The following PARL variants were observed in gnomAD, a reference collection of about 807,000 sequenced individuals.
PARL encodes the protein presenilin associated rhomboid like, also known as presenilin-associated rhomboid-like protein, mitochondrial.
PARL carries 44 observed loss-of-function variants against 51.6 expected under a neutral mutation model. That is an observed-to-expected ratio of 0.85 (90% CI 0.67 to 1.10). PARL has a LOEUF of 1.10. PARL is among the 50% of genes least tolerant of loss of function. The pLI, the probability that PARL is intolerant of heterozygous loss-of-function variation, is 0.00. For synonymous variants in PARL, 172 were observed against 164.0 expected (o/e 1.05, Z -0.37); for missense variants, 441 against 469.5 (o/e 0.94, Z 0.56).
chr3:183,833,398 T>A, intron 9 of PARL, 94 bp downstream of exon 9: 1 of 802,750 alleles, frequency 1.2e-6, no homozygotes, highest in Non-Finnish European at 2.2e-6. Context: ...GTTCAATGTC[T>A]CTGCCATGGG....
Position 183,848,361 on chromosome 3 carries a change from C to T in PARL, c.512-4035G>A, listed in dbSNP as rs1423264925. On this transcript the variant is annotated intron_variant, in intron 4 of 9. Transcript: ENST00000317096. The stretch of plus-strand genomic sequence containing the variant: ...GGTTCACACCATTCTCCTGCCTCAG[C>T]CTCCCGAGTAGCTGGGACTACAGGC... Among the ~76,000 whole-genome samples the T allele has an allele frequency of 3.3e-5, 5 of 152,298 alleles. No homozygotes were observed. In the East Asian group the frequency reaches 7.7e-4, roughly 24 times the overall value.
At chr3:183,847,963 G>A (rs1319470034) in intron 4 of PARL, among the ~76,000 whole-genome samples, 1 of 152,152 alleles carries the variant, frequency 6.6e-6, no homozygotes, top group African/African-American at 2.4e-5. Flanking sequence ...GTAACTCTTG[G>A]ACAAGCTTGG....
intron 1 of PARL, among the ~76,000 whole-genome samples, chr3:183,878,194 G>A (rs929035879): frequency 2.6e-5 from 4 of 152,088 alleles, no homozygotes; most frequent in African/African-American, 4.8e-5. Context: ...CTCTTTCACC[G>A]CCCAGTCCTT....
intron 1 of PARL, among the ~76,000 whole-genome samples, chr3:183,877,465 C>T (rs1733978547): frequency 6.6e-6 from 1 of 152,170 alleles, no homozygotes; most frequent in African/African-American, 2.4e-5. Flanking sequence ...AGGATTTACT[C>T]CTACTCTGAA....
chr3:183,828,041 G>A (rs554662996), downstream of PARL, among the ~76,000 whole-genome samples: 101 of 152,360 alleles, frequency 6.6e-4, 3 homozygotes, highest in Middle Eastern at 0.014. Context: ...AAGCCAAGAG[G>A]AGAAAGTGAA....
rs998139733 is a variant in PARL, at chr3:183,829,487, C to T, written c.*111G>A. The T allele has an allele frequency of 1.6e-5, 25 of 1,610,290 alleles. No homozygotes were observed. The highest frequency in any genetic ancestry group is 3.3e-5 in the Admixed American group (2 of 59,978). On this transcript the variant is annotated 3_prime_UTR_variant, in exon 10 of 10. Transcript: ENST00000317096. ...GACACAGCTGAAAACAGTGGGAGGC[C>T]AGATGCTGGCATCTTCCAGACGGGA...
At chr3:183,876,625 AAAAAAAAAAAAAAG>A (rs1200962470) in intron 1 of PARL, among the ~76,000 whole-genome samples, 2 of 121,622 alleles carry the variant, frequency 1.6e-5, no homozygotes, top group African/African-American at 6.6e-5. Flanking sequence ...AAAAAAAAAA[AAAAAAAAAAAAAAG>A]AAAAAGAAAA....
intron 7 of PARL, among the ~76,000 whole-genome samples, chr3:183,838,211 G>A (rs977319770): frequency 3.7e-4 from 56 of 152,024 alleles, no homozygotes; most frequent in Admixed American, 2.0e-3. Context: ...ATTTTTTGTA[G>A]AGATGGGGTC....
chr3:183,827,888 A>C (rs1316319171), downstream of PARL, among the ~76,000 whole-genome samples: 1 of 152,178 alleles, frequency 6.6e-6, no homozygotes, highest in Non-Finnish European at 1.5e-5. Flanking sequence ...CCACTCAAGA[A>C]GTGTATGGAA....
At chr3:183,884,245 C>T (rs1734862752) in intron 1 of PARL, among the ~76,000 whole-genome samples, 1 of 152,216 alleles carries the variant, frequency 6.6e-6, no homozygotes, top group Admixed American at 6.5e-5. Context: ...AAAGCCTCTC[C>T]TACGACTTTG....
chr3:183,862,392 C>T (rs1241756323), intron 4 of PARL, among the ~76,000 whole-genome samples: 1 of 152,188 alleles, frequency 6.6e-6, no homozygotes, highest in Admixed American at 6.5e-5. Flanking sequence ...CTGTAAGCAA[C>T]TCCAAGTAGG....
At position 183,882,225 on chromosome 3, in the gene PARL, ATATATATATATATATATATTTAT is replaced by A. The variant is rs1560441984; in HGVS notation, c.125+2474_125+2496del. On this transcript the variant is annotated intron_variant, in intron 1 of 9. Transcript: ENST00000317096. ...TCTCTAAAAAAAAAAAAAAAAAAAT[ATATATATATATATATATATTTAT>A]ATATATATATATATATATATTTATA... 2.2e-3 allele frequency among the ~76,000 whole-genome samples: 172 copies of A among 78,226 alleles called. 12 individuals carry two copies. The highest frequency in any genetic ancestry group is 0.011 in the African/African-American group (152 of 14,244). 51.3% of individuals were successfully genotyped at this position (78,226 alleles called of 152,430 possible).
At position 183,833,705 on chromosome 3, in the gene PARL, A is replaced by G; in HGVS notation, c.930+19T>C. The G allele has an allele frequency of 6.5e-7, 1 of 1,534,984 alleles. No homozygotes were observed. Among genetic ancestry groups the G allele is most frequent in the Non-Finnish European group, 9.0e-7 (1 of 1,107,810 alleles). ...ACATCACCACTATCCCCAGCACTGC[A>G]CTTCATAAAAATACTTACATTCCCT... On this transcript the variant is annotated intron_variant, in intron 8 of 9. Transcript: ENST00000317096.
In PARL at chr3:183,866,692, A is replaced by G; in HGVS notation, c.395T>C (p.Phe132Ser). ...ESLKSRVQSYFDGIKADWLDS... is the reference protein window; with the variant it reads ...ESLKSRVQSYSDGIKADWLDS... ...CAACCAATCAGCTTTTATACCATCA[A>G]AATAACTCTGGACCCTGGATTTCAG... is the stretch of plus-strand genomic sequence containing the variant. The change falls in exon 3 of 10, where the codon TTT (phenylalanine) becomes TCT (serine). Residue 132 changes from phenylalanine to serine, a missense_variant. Transcript: ENST00000317096. 2 of 1,612,540 alleles carry G rather than the reference A, an allele frequency of 1.2e-6. No individual in the cohort carries two copies. The highest frequency in any genetic ancestry group is 1.7e-6 in the Non-Finnish European group (2 of 1,178,964).
At chr3:183,840,263 G>A (rs886385510) in intron 7 of PARL, among the ~76,000 whole-genome samples, 2 of 152,172 alleles carry the variant, frequency 1.3e-5, no homozygotes, top group African/African-American at 4.8e-5. Context: ...TACTGGATTA[G>A]GCTCTCTGGT....
At chr3:183,883,040 C>A (rs1002070211) in intron 1 of PARL, among the ~76,000 whole-genome samples, 1 of 152,150 alleles carries the variant, frequency 6.6e-6, no homozygotes, top group Admixed American at 6.6e-5. Flanking sequence ...TATGCAACCA[C>A]GAAAATGTCA....
At chr3:183,866,209 T>C (rs777371020) in intron 3 of PARL, among the ~76,000 whole-genome samples, 26 of 152,170 alleles carry the variant, frequency 1.7e-4, no homozygotes, top group Non-Finnish European at 3.7e-4. Flanking sequence ...TTTTGATGCA[T>C]GTGGGTAGAG....
At chr3:183,855,906 A>G (rs1731091814) in intron 4 of PARL, among the ~76,000 whole-genome samples, 1 of 151,850 alleles carries the variant, frequency 6.6e-6, no homozygotes, top group South Asian at 2.1e-4. Flanking sequence ...CAGTGAGCCA[A>G]GATCACACCA....
chr3:183,830,108 C>G (rs983812622), intron 9 of PARL, among the ~76,000 whole-genome samples: 1 of 152,170 alleles, frequency 6.6e-6, no homozygotes, highest in East Asian at 1.9e-4. Flanking sequence ...TCTGAAGTGT[C>G]AGAATTAGCA....
Sources: gnomAD v4.1 joint callset for allele counts (sites outside exome capture counted in the v4.1 genomes callset) on GRCh38, gnomAD v4.1.1 for gene constraint, MANE v1.5 for transcripts, NCBI Gene and HGNC (gene_info 2026-07-23, HGNC 2026-07-21) for gene names.